The following MACROD2 variants were observed in gnomAD, a reference collection of about 807,000 sequenced individuals.
The protein encoded by MACROD2 is ADP-ribose glycohydrolase MACROD2.
In MACROD2, 36 loss-of-function variants were observed where a neutral mutation model predicts 70.4. The observed-to-expected ratio is 0.51, with a 90% CI of 0.39 to 0.68. MACROD2 has a LOEUF of 0.68. Among genes scored for constraint, MACROD2 ranks in the 30% least tolerant of loss-of-function variants. MACROD2 has a pLI of 0.00. For missense variants in MACROD2, 496 were observed against 538.4 expected (o/e 0.92, Z 0.78); for synonymous variants, 172 against 178.8 (o/e 0.96, Z 0.30).
intron 12 of MACROD2, among the ~76,000 whole-genome samples, chr20:15,967,103 A>G (rs1159736477): frequency 1.3e-5 from 2 of 152,162 alleles, no homozygotes; most frequent in African/African-American, 4.8e-5. Context: ...AGGAAGATGA[A>G]CTTAATTACC....
chr20:14,048,675 G>A (rs999306023), intron 2 of MACROD2, among the ~76,000 whole-genome samples: 16 of 151,998 alleles, frequency 1.1e-4, no homozygotes, highest in African/African-American at 3.4e-4. Context: ...TAGTATTTGG[G>A]AGTACTTAAG....
Position 15,193,497 on chromosome 20 carries a change from ACTT to A in MACROD2, c.419-36442_419-36440del, listed in dbSNP as rs372672740. Among the ~76,000 whole-genome samples, 148 of 152,116 alleles carry A rather than the reference ACTT, an allele frequency of 9.7e-4. 1 individual carries two copies. Among genetic ancestry groups the A allele is most frequent in the African/African-American group, 3.2e-3 (134 of 41,482 alleles). On this transcript the variant is annotated intron_variant, in intron 5 of 17. Coordinates refer to ENST00000684519, the MANE Select transcript of MACROD2 (RefSeq NM_001351661.2). Reference sequence around the variant, plus strand: ...ATGCCTACAAATATAAAAATAAAAAACTTAGCCAAGTGTAGTGGCACACACCTG... The same window carrying A: ...ATGCCTACAAATATAAAAATAAAAAAAGCCAAGTGTAGTGGCACACACCTG...
chr20:14,427,532 CAT>C (rs1287074592), intron 3 of MACROD2, among the ~76,000 whole-genome samples: 2 of 151,260 alleles, frequency 1.3e-5, no homozygotes, highest in African/African-American at 2.4e-5. Context: ...ATACATGTAA[CAT>C]AATATATAAC....
intron 13 of MACROD2, among the ~76,000 whole-genome samples, chr20:15,970,214 C>A (rs886660849): frequency 1.3e-5 from 2 of 152,022 alleles, no homozygotes; most frequent in Non-Finnish European, 2.9e-5. Flanking sequence ...TTCTGGTGTT[C>A]TGCAAGTAGA....
intron 5 of MACROD2, among the ~76,000 whole-genome samples, chr20:14,788,239 C>G (rs539545774): frequency 6.6e-6 from 1 of 152,040 alleles, no homozygotes; most frequent in Admixed American, 6.5e-5. Context: ...CTTGCTGCAG[C>G]CTCTGGGGAT....
At chr20:14,216,319 T>C (rs1164255925) in intron 3 of MACROD2, among the ~76,000 whole-genome samples, 1 of 152,098 alleles carries the variant, frequency 6.6e-6, no homozygotes, top group Non-Finnish European at 1.5e-5. Context: ...TGGCTGTAAG[T>C]ATTTGGGTTT....
intron 3 of MACROD2, among the ~76,000 whole-genome samples, chr20:14,221,535 A>C (rs73264825): frequency 0.17 from 26,377 of 152,164 alleles, 3,414 homozygotes; most frequent in African/African-American, 0.36. Context: ...AAAATACTAG[A>C]AGAAAACCTA....
chr20:15,183,515 T>A (rs561336359), intron 5 of MACROD2, among the ~76,000 whole-genome samples: 26 of 147,330 alleles, frequency 1.8e-4, no homozygotes, highest in Admixed American at 8.9e-4. Flanking sequence ...AAAAAAAAAA[T>A]AGATCTTATT....
intron 8 of MACROD2, among the ~76,000 whole-genome samples, chr20:15,628,978 G>A (rs1186514583): frequency 6.6e-6 from 1 of 152,170 alleles, no homozygotes; most frequent in African/African-American, 2.4e-5. Flanking sequence ...ATCACATTAT[G>A]TAAATATACT....
intron 5 of MACROD2, among the ~76,000 whole-genome samples, chr20:15,121,348 C>CA (rs940975300): frequency 2.0e-5 from 3 of 151,482 alleles, no homozygotes; most frequent in African/African-American, 7.3e-5. Context: ...CCTGTCGCTA[C>CA]AAAAAAATAC....
At chr20:14,730,979 G>GCA (rs11474396) in intron 5 of MACROD2, among the ~76,000 whole-genome samples, 4,480 of 138,794 alleles carry the variant, frequency 0.032, 123 homozygotes, top group African/African-American at 0.076. Context: ...AACAGGTTTA[G>GCA]CACACACACA....
At chr20:14,846,718 C>T (rs960067763) in intron 5 of MACROD2, among the ~76,000 whole-genome samples, 2 of 151,922 alleles carry the variant, frequency 1.3e-5, no homozygotes, top group African/African-American at 2.4e-5. Context: ...AGGGTTTTGC[C>T]GTGTTAGCCA....
intron 6 of MACROD2, among the ~76,000 whole-genome samples, chr20:15,396,804 C>G (rs967321537): frequency 7.2e-5 from 11 of 152,178 alleles, no homozygotes; most frequent in Non-Finnish European, 1.6e-4. Context: ...CGACTTTGCT[C>G]TTTTATGCTC....
chr20:14,273,919 C>T (rs1281410858), intron 3 of MACROD2, among the ~76,000 whole-genome samples: 1 of 152,120 alleles, frequency 6.6e-6, no homozygotes, highest in Non-Finnish European at 1.5e-5. Flanking sequence ...TTCCTCGACA[C>T]ATACACCCTC....
chr20:14,585,894 GA>G, intron 4 of MACROD2, among the ~76,000 whole-genome samples: 1 of 152,138 alleles, frequency 6.6e-6, no homozygotes, highest in Admixed American at 6.6e-5. Flanking sequence ...TCCTTAACTT[GA>G]ACCAACTGTT....
chr20:15,728,552 T>G (rs1287831113), intron 8 of MACROD2, among the ~76,000 whole-genome samples: 1 of 152,132 alleles, frequency 6.6e-6, no homozygotes, highest in East Asian at 1.9e-4. Flanking sequence ...TTGGTAGGCT[T>G]TATATTACTG....
rs775382688 is a variant in MACROD2 at position 14,726,907 on chromosome 20, C to G, written c.418+41948C>G. On this transcript the variant is annotated intron_variant, in intron 5 of 17. Coordinates refer to ENST00000684519, the MANE Select transcript of MACROD2 (RefSeq NM_001351661.2). ...TGTGTTTACTACTTTTTCCATAAAT[C>G]CACTTTAAAAATCATTTTACCAGAG... is the stretch of plus-strand genomic sequence containing the variant. Among the ~76,000 whole-genome samples, 5 of 152,084 alleles carry G rather than the reference C, an allele frequency of 3.3e-5. 1 individual carries two copies. Among genetic ancestry groups the G allele is most frequent in the Non-Finnish European group, 7.4e-5 (5 of 68,014 alleles).
chr20:15,230,093 CT>C lies in MACROD2; in HGVS notation c.540+37del, dbSNP rs200307551. ...AATTTTATGTTTTTTATTTCTCACT[CT>C]TTTTCAACCTTTATGCTTTAGTAAT... On this transcript the variant is annotated intron_variant, in intron 6 of 17. Transcript: ENST00000684519. 13,372 of 1,594,666 alleles carry C rather than the reference CT, an allele frequency of 8.4e-3. 101 individuals carry two copies. The highest frequency in any genetic ancestry group is 9.8e-3 in the Non-Finnish European group (11,416 of 1,167,338).
chr20:14,355,232 G>A (rs1208218319), intron 3 of MACROD2, among the ~76,000 whole-genome samples: 1 of 152,044 alleles, frequency 6.6e-6, no homozygotes, highest in African/African-American at 2.4e-5. Context: ...TGCATATACA[G>A]GTCATTAACA....
Sources: allele counts gnomAD v4.1 joint callset (sites outside exome capture counted in the v4.1 genomes callset), GRCh38; gene constraint gnomAD v4.1.1; transcripts MANE v1.5; gene names NCBI Gene and HGNC (gene_info 2026-07-23, HGNC 2026-07-21).